The following CAMK2G variants were observed in gnomAD, a reference collection of about 807,000 sequenced individuals.
CAMK2G encodes calcium/calmodulin-dependent protein kinase type II subunit gamma.
In CAMK2G, 23 loss-of-function variants were observed where a neutral mutation model predicts 88.7. The observed-to-expected ratio is 0.26, with a 90% CI of 0.19 to 0.37. The LOEUF is 0.37. CAMK2G is among the 10% of genes least tolerant of loss of function. CAMK2G has a pLI of 1.00. For missense variants in CAMK2G, 476 were observed against 780.8 expected (o/e 0.61, Z 4.65); for synonymous variants, 263 against 294.8 (o/e 0.89, Z 1.11).
chr10:73,869,401 C>T (rs972205053), intron 2 of CAMK2G, among the ~76,000 whole-genome samples: 1 of 152,218 alleles, frequency 6.6e-6, no homozygotes, highest in Non-Finnish European at 1.5e-5. Flanking sequence ...CTGCCTTATG[C>T]CCCAAGCACA....
intron 18 of CAMK2G, 81 bp downstream of exon 18, chr10:73,821,601 C>T (rs1012427563): frequency 9.6e-7 from 1 of 1,044,756 alleles, no homozygotes; most frequent in African/African-American, 1.6e-5. Flanking sequence ...GTTCTGGGGA[C>T]AGAAAAGGCA....
intron 15 of CAMK2G, among the ~76,000 whole-genome samples, chr10:73,827,627 G>A (rs1459311287): frequency 1.3e-5 from 2 of 152,208 alleles, no homozygotes; most frequent in East Asian, 3.8e-4. Flanking sequence ...GAGAGAATGG[G>A]ATTTGCACGG....
At position 73,842,616 on chromosome 10, in the gene CAMK2G, A is replaced by C; in HGVS notation, c.820-75T>G. On this transcript the variant is annotated intron_variant, in intron 10 of 22. Coordinates refer to ENST00000423381, the MANE Select transcript of CAMK2G (RefSeq NM_001367534.1). The surrounding 1 kb of genome is among the most constrained non-coding windows in gnomAD (Gnocchi z 4.6). ...CTCCCACAGTCCTGGCACCGATACCATGCCCAGGACAGGGTCATGCACTCA... is the reference window on the plus strand; with the variant it reads ...CTCCCACAGTCCTGGCACCGATACCCTGCCCAGGACAGGGTCATGCACTCA... The C allele has an allele frequency of 2.8e-6, 3 of 1,074,746 alleles. No homozygotes were observed. The highest frequency in any genetic ancestry group is 4.3e-6 in the Non-Finnish European group (3 of 694,286). 66.6% of individuals were successfully genotyped at this position (1,074,746 alleles called of 1,614,324 possible). A position where few individuals can be genotyped will look rare whatever the true frequency, so the allele number is the denominator to read the frequency against.
chr10:73,840,142 A>T (rs1456852257), intron 12 of CAMK2G, among the ~76,000 whole-genome samples: 1 of 152,080 alleles, frequency 6.6e-6, no homozygotes, highest in Non-Finnish European at 1.5e-5. Flanking sequence ...CCCCAGCTCC[A>T]TGCCCCCCAA....
chr10:73,859,041 T>C (rs570085834), intron 3 of CAMK2G, among the ~76,000 whole-genome samples: 3 of 152,332 alleles, frequency 2.0e-5, no homozygotes, highest in African/African-American at 7.2e-5. Context: ...GCTGTACCAG[T>C]TGGTCACAAG....
At chr10:73,860,962 C>T in intron 2 of CAMK2G, 73 bp from the exon 3 acceptor site, 2 of 1,060,420 alleles carry the variant, frequency 1.9e-6, no homozygotes, top group Non-Finnish European at 1.5e-6. Context: ...TATTCATATT[C>T]CTTCAGTTCA....
rs551868378 is a variant in CAMK2G, at chr10:73,871,627, C to G, written c.160+1362G>C. ...AGAGCCCAGCCCCTGTTGTCCCCCC[C>G]ACCCCCACTCCAGGGTATCTGACTG... On this transcript the variant is annotated intron_variant, in intron 2 of 22. Coordinates refer to ENST00000423381, the MANE Select transcript of CAMK2G (RefSeq NM_001367534.1). 1.4e-3 allele frequency among the ~76,000 whole-genome samples: 208 copies of G among 152,264 alleles called. 1 individual carries two copies. The highest frequency in any genetic ancestry group is 3.4e-3 in the Middle Eastern group (1 of 294).
intron 12 of CAMK2G, among the ~76,000 whole-genome samples, chr10:73,841,612 T>G (rs2093791154): frequency 6.6e-6 from 1 of 152,178 alleles, no homozygotes; most frequent in Non-Finnish European, 1.5e-5. Flanking sequence ...TTCCTTTCCC[T>G]CTCTCCTGCT....
chr10:73,820,492 A>ATATATATTTTTTTTT (rs1554995765), intron 18 of CAMK2G, among the ~76,000 whole-genome samples: 2 of 51,052 alleles, frequency 3.9e-5, no homozygotes, highest in African/African-American at 1.8e-4. Context: ...ATATATATAT[A>ATATATATTTTTTTTT]TTTTTTTTTT....
intron 15 of CAMK2G, 60 bp from the exon 16 acceptor site, chr10:73,825,407 A>G: frequency 7.5e-7 from 1 of 1,325,600 alleles, no homozygotes; most frequent in Non-Finnish European, 1.1e-6. Flanking sequence ...CTCAGGTTCA[A>G]CTCCCAGACC....
rs927368855 is a variant in CAMK2G at position 73,839,529 on chromosome 10, T to C, written c.1009+10A>G. On this transcript the variant is annotated intron_variant, in intron 13 of 22. Coordinates refer to ENST00000423381, the MANE Select transcript of CAMK2G (RefSeq NM_001367534.1). The surrounding 1 kb of genome is among the most constrained non-coding windows in gnomAD (Gnocchi z 4.2). Reference sequence around the variant, plus strand: ...GAGGCAGGCGGTCGGGGAGGACTCATGCCACGTACCTTGCCCGGCCAGGCC... The same window carrying C: ...GAGGCAGGCGGTCGGGGAGGACTCACGCCACGTACCTTGCCCGGCCAGGCC... The C allele has an allele frequency of 2.4e-6, 3 of 1,233,442 alleles. No individual in the cohort carries two copies. Among genetic ancestry groups the C allele is most frequent in the Non-Finnish European group, 2.0e-6 (2 of 986,780 alleles). 76.4% of individuals were successfully genotyped at this position (1,233,442 alleles called of 1,614,324 possible). A position where few individuals can be genotyped will look rare whatever the true frequency, so the allele number is the denominator to read the frequency against.
In CAMK2G at chr10:73,817,454, CA is replaced by C. The variant is rs112344092; in HGVS notation, c.1439+24del. 1,452 of 1,468,346 alleles carry C rather than the reference CA, an allele frequency of 9.9e-4. 13 individuals are homozygous for C. Among genetic ancestry groups the C allele is most frequent in the South Asian group, 7.9e-3 (680 of 86,116 alleles). The allele number at this position is 1,468,346 out of a possible 1,614,324, so 91.0% of individuals were successfully genotyped here. On this transcript the variant is annotated intron_variant, in intron 20 of 22. Coordinates refer to ENST00000423381, the MANE Select transcript of CAMK2G (RefSeq NM_001367534.1). Reference sequence around the variant, plus strand: ...AGGCCTTGGGAGATGACTTAGGTCACAAAAAAAAATGGGTCTCTACTTACGT... The same window carrying C: ...AGGCCTTGGGAGATGACTTAGGTCACAAAAAAAATGGGTCTCTACTTACGT...
rs1170129308 is a variant in CAMK2G at position 73,842,951 on chromosome 10, G to A, written c.820-410C>T. Reference sequence around the variant, plus strand: ...GGCAGGGTTCCTGCTCTCTACAGAGGACATTCCTTCCTTCCAAGAGCCCCT... The same window carrying A: ...GGCAGGGTTCCTGCTCTCTACAGAGAACATTCCTTCCTTCCAAGAGCCCCT... On this transcript the variant is annotated intron_variant, in intron 10 of 22. Coordinates refer to ENST00000423381, the MANE Select transcript of CAMK2G (RefSeq NM_001367534.1). This position sits in a 1 kb window ranked among gnomAD's most constrained non-coding sequence, Gnocchi z 4.6. Among the ~76,000 whole-genome samples, 1 of 152,080 alleles carries A rather than the reference G, an allele frequency of 6.6e-6. No individual in the cohort carries two copies. Among genetic ancestry groups the A allele is most frequent in the African/African-American group, 2.4e-5 (1 of 41,402 alleles).
chr10:73,827,344 A>G (rs1349675256), intron 15 of CAMK2G, among the ~76,000 whole-genome samples: 3 of 152,054 alleles, frequency 2.0e-5, no homozygotes, highest in South Asian at 4.1e-4. Flanking sequence ...CCACCACCAC[A>G]CCTGGCTAAT....
At chr10:73,857,045 C>T (rs1437564547) in intron 3 of CAMK2G, among the ~76,000 whole-genome samples, 3 of 152,198 alleles carry the variant, frequency 2.0e-5, no homozygotes, top group South Asian at 2.1e-4. Flanking sequence ...AGCTGCCCCC[C>T]AAGAGCTTAC....
intron 3 of CAMK2G, among the ~76,000 whole-genome samples, chr10:73,853,619 A>ACAATGACC (rs1229540207): frequency 1.3e-5 from 2 of 152,222 alleles, no homozygotes; most frequent in Admixed American, 1.3e-4. Context: ...GCAGGGGACA[A>ACAATGACC]CAATGACCAG....
At chr10:73,829,282 A>AT (rs1291260263) in intron 14 of CAMK2G, among the ~76,000 whole-genome samples, 1 of 149,384 alleles carries the variant, frequency 6.7e-6, no homozygotes, top group South Asian at 2.1e-4. Flanking sequence ...TTATTTATTT[A>AT]TTTATTTATT....
chr10:73,859,710 T>C (rs1230187111), intron 3 of CAMK2G, among the ~76,000 whole-genome samples: 1 of 152,256 alleles, frequency 6.6e-6, no homozygotes, highest in Non-Finnish European at 1.5e-5. Context: ...TCCAAGCTGC[T>C]GATTGCCATC....
At chr10:73,844,006 C>T (rs1214725906) in intron 10 of CAMK2G, among the ~76,000 whole-genome samples, 2 of 152,202 alleles carry the variant, frequency 1.3e-5, no homozygotes, top group African/African-American at 2.4e-5. Context: ...CAAACCTTTG[C>T]TTCCTCAATT....
Sources: allele counts gnomAD v4.1 joint callset (sites outside exome capture counted in the v4.1 genomes callset), GRCh38; gene constraint gnomAD v4.1.1; non-coding constraint Gnocchi (gnomAD v3.1); transcripts MANE v1.5; gene names NCBI Gene and HGNC (gene_info 2026-07-23, HGNC 2026-07-21).